The following BNC2 variants were observed in gnomAD, a reference collection of about 807,000 sequenced individuals.
BNC2 encodes the protein zinc finger protein basonuclin-2.
A neutral mutation model predicts 76.3 loss-of-function variants in BNC2; 20 were observed. The ratio of observed to expected loss-of-function variants is 0.26; its 90% CI spans 0.18 to 0.38. The LOEUF is 0.38. Among genes scored for constraint, BNC2 ranks in the 10% least tolerant of loss-of-function variants. BNC2 has a pLI of 1.00. For missense variants in BNC2, 1,382 were observed against 1,399.8 expected, an observed-to-expected ratio of 0.99 and a Z score of 0.20; for synonymous variants, 582 against 514.8, an observed-to-expected ratio of 1.13 and a Z score of -1.77.
At chr9:16,827,912 AT>A (rs1466025367) in intron 1 of BNC2, among the ~76,000 whole-genome samples, 1 of 152,230 alleles carries the variant, frequency 6.6e-6, no homozygotes, top group African/African-American at 2.4e-5. Context: ...TCCAAAAAAC[AT>A]TTATTGAGGC....
At chr9:16,842,205 T>C (rs933225855) in intron 1 of BNC2, among the ~76,000 whole-genome samples, 1 of 152,212 alleles carries the variant, frequency 6.6e-6, no homozygotes, top group African/African-American at 2.4e-5. Flanking sequence ...ATTTTTAGTA[T>C]CTTGCAAACT....
intron 1 of BNC2, among the ~76,000 whole-genome samples, chr9:16,841,314 C>T (rs2136091266): frequency 6.6e-6 from 1 of 152,320 alleles, no homozygotes; most frequent in Non-Finnish European, 1.5e-5. Flanking sequence ...GAAATTCTGT[C>T]CCTTGTCAAA....
chr9:16,512,346 C>A (rs1451032777), intron 5 of BNC2, among the ~76,000 whole-genome samples: 1 of 152,152 alleles, frequency 6.6e-6, no homozygotes, highest in African/African-American at 2.4e-5. Flanking sequence ...ACTAAAATAT[C>A]ATGAGTCATA....
intron 3 of BNC2, among the ~76,000 whole-genome samples, chr9:16,584,332 T>G (rs376631863): frequency 1.3e-4 from 20 of 152,328 alleles, no homozygotes; most frequent in African/African-American, 4.8e-4. Flanking sequence ...CAGGCAGTAT[T>G]TTGGATATTG....
chr9:16,431,232 A>G (rs9298764), intron 6 of BNC2, among the ~76,000 whole-genome samples: 92,693 of 152,094 alleles, frequency 0.61, 31,190 homozygotes, highest in African/African-American at 0.9. Context: ...CAATGATAAG[A>G]AATATTAGGA....
chr9:16,854,558 A>G (rs182275318), intron 1 of BNC2, among the ~76,000 whole-genome samples: 4 of 152,210 alleles, frequency 2.6e-5, no homozygotes, highest in Admixed American at 2.6e-4. Flanking sequence ...TTTTCTTGCA[A>G]TATATATCTT....
intron 1 of BNC2, among the ~76,000 whole-genome samples, chr9:16,831,255 C>G (rs146567082): frequency 4.5e-4 from 69 of 152,244 alleles, no homozygotes; most frequent in African/African-American, 1.6e-3. Context: ...AATAAAATGC[C>G]AAACATTTAA....
In BNC2 at chr9:16,532,485, A is replaced by G. The variant is rs566017176; in HGVS notation, c.669+20045T>C. Among the ~76,000 whole-genome samples the G allele has an allele frequency of 4.6e-5, 7 of 152,274 alleles. No homozygotes were observed. The East Asian group carries it at 1.4e-3, about 29-fold the overall frequency. ...CTACAATAGACACTGACCACAACCT[A>G]TCTTCCTATTCACCAGAAATGGTTT... On this transcript the variant is annotated intron_variant, in intron 5 of 6. Coordinates refer to ENST00000380672, the MANE Select transcript of BNC2 (RefSeq NM_017637.6).
intron 3 of BNC2, among the ~76,000 whole-genome samples, chr9:16,688,894 T>A (rs960475915): frequency 6.6e-6 from 1 of 152,100 alleles, no homozygotes; most frequent in Admixed American, 6.5e-5. Context: ...TGTATATACA[T>A]ACCTTGAAGG....
At chr9:16,535,476 C>T (rs1281495123) in intron 5 of BNC2, among the ~76,000 whole-genome samples, 2 of 152,068 alleles carry the variant, frequency 1.3e-5, no homozygotes, top group East Asian at 3.9e-4. Context: ...CTATGAGCAC[C>T]TTTTTTTCTC....
chr9:16,464,707 C>T (rs933638659), intron 5 of BNC2, among the ~76,000 whole-genome samples: 1 of 152,118 alleles, frequency 6.6e-6, no homozygotes, highest in Non-Finnish European at 1.5e-5. Flanking sequence ...CAGGTGCCTG[C>T]CACCACGCCT....
chr9:16,461,735 C>T (rs971048376), intron 5 of BNC2, among the ~76,000 whole-genome samples: 1 of 152,164 alleles, frequency 6.6e-6, no homozygotes, highest in African/African-American at 2.4e-5. Context: ...AAAAGTGCAA[C>T]AGGCCTTGAT....
chr9:16,666,132 T>C (rs1020322930), intron 3 of BNC2, among the ~76,000 whole-genome samples: 1 of 152,222 alleles, frequency 6.6e-6, no homozygotes, highest in Non-Finnish European at 1.5e-5. Context: ...CATATTTCAA[T>C]AAATAGGAGA....
At chr9:16,602,580 C>G (rs1310668285) in intron 3 of BNC2, among the ~76,000 whole-genome samples, 1 of 152,208 alleles carries the variant, frequency 6.6e-6, no homozygotes, top group Admixed American at 6.5e-5. Flanking sequence ...GCTCCCCACT[C>G]TATGCCCACT....
chr9:16,698,017 C>T (rs928518098), intron 3 of BNC2, among the ~76,000 whole-genome samples: 1 of 152,146 alleles, frequency 6.6e-6, no homozygotes, highest in African/African-American at 2.4e-5. Flanking sequence ...GGTAGGCAAA[C>T]AAGCCTGTGG....
chr9:16,443,001 G>A (rs1351585529), intron 5 of BNC2, among the ~76,000 whole-genome samples: 1 of 150,544 alleles, frequency 6.6e-6, no homozygotes, highest in African/African-American at 2.5e-5. Flanking sequence ...CCAGCTACTC[G>A]GGAGGCTGAG....
intron 1 of BNC2, among the ~76,000 whole-genome samples, chr9:16,849,930 C>A (rs922993669): frequency 2.0e-5 from 3 of 152,124 alleles, no homozygotes; most frequent in Non-Finnish European, 4.4e-5. Context: ...GGCTGTCCCA[C>A]AAACAGTGTT....
intron 3 of BNC2, among the ~76,000 whole-genome samples, chr9:16,645,415 C>A (rs1821596247): frequency 6.6e-6 from 1 of 152,208 alleles, no homozygotes; most frequent in Non-Finnish European, 1.5e-5. Context: ...CAGTTCACGT[C>A]ACATTTTTAT....
intron 3 of BNC2, among the ~76,000 whole-genome samples, chr9:16,592,684 CT>C (rs1423371212): frequency 2.6e-5 from 4 of 152,120 alleles, no homozygotes; most frequent in Admixed American, 6.6e-5. Context: ...CTCAATCAAG[CT>C]GTTTAAAACA....
Sources: gnomAD v4.1 joint callset for allele counts (sites outside exome capture counted in the v4.1 genomes callset) on GRCh38, gnomAD v4.1.1 for gene constraint, MANE v1.5 for transcripts, NCBI Gene and HGNC (gene_info 2026-07-23, HGNC 2026-07-21) for gene names.